ATXN1: variants seen among roughly 807,000 people sequenced by gnomAD.
ATXN1 encodes the protein ataxin-1.
In ATXN1, 8 loss-of-function variants were observed where a neutral mutation model predicts 56.4. The ratio of observed to expected loss-of-function variants is 0.14; its 90% confidence interval spans 0.08 to 0.26. The LOEUF (loss-of-function observed/expected upper bound fraction) is 0.26, where lower values mean the gene tolerates loss of function less well. ATXN1 is among the 10% of genes least tolerant of loss of function. ATXN1 has a pLI of 1.00. For missense variants in ATXN1, 987 were observed against 1,106.5 expected, an observed-to-expected ratio of 0.89 and a Z score of 1.53; for synonymous variants, 514 against 494.6, an observed-to-expected ratio of 1.04 and a Z score of -0.52.
chr6:16,742,568 T>G (rs1002764241), intron 2 of ATXN1, among the ~76,000 whole-genome samples: 1 of 152,140 alleles, frequency 6.6e-6, no homozygotes, highest in African/African-American at 2.4e-5. Context: ...TCAGAATCTC[T>G]TAACAGGTTC....
At chr6:16,619,595 C>T (rs1341382088) in intron 3 of ATXN1, among the ~76,000 whole-genome samples, 1 of 152,178 alleles carries the variant, frequency 6.6e-6, no homozygotes, top group Non-Finnish European at 1.5e-5. Flanking sequence ...ACTAGAGACA[C>T]TAAAAATGTT....
Position 16,306,312 on chromosome 6 carries a change from T to C in ATXN1, c.*17A>G, listed in dbSNP as rs1242013564. On this transcript the variant is annotated 3_prime_UTR_variant, in exon 8 of 8. Transcript: ENST00000436367. This position sits in a 1 kb window ranked among gnomAD's most constrained non-coding sequence, Gnocchi z 5.2. ...AATGATAAGGGAGAGCCACGTTTCC[T>C]TTCCCCCACGCTGCCTCTACTTGCC... The C allele has an allele frequency of 2.2e-5, 35 of 1,579,818 alleles. No individual in the cohort carries two copies. Among genetic ancestry groups the C allele is most frequent in the Non-Finnish European group, 2.9e-5 (34 of 1,165,648 alleles).
At chr6:16,713,553 C>G (rs897619106) in intron 2 of ATXN1, among the ~76,000 whole-genome samples, 1 of 152,170 alleles carries the variant, frequency 6.6e-6, no homozygotes, top group African/African-American at 2.4e-5. Flanking sequence ...GGGAAAGAAT[C>G]TGAGAAAACA....
chr6:16,346,946 G>GC (rs1761413043), intron 6 of ATXN1, among the ~76,000 whole-genome samples: 1 of 152,228 alleles, frequency 6.6e-6, no homozygotes, highest in Non-Finnish European at 1.5e-5. Flanking sequence ...GTTCCAGGTG[G>GC]CTGTGGGCTC....
intron 6 of ATXN1, among the ~76,000 whole-genome samples, chr6:16,358,964 G>A (rs768980482): frequency 2.6e-5 from 4 of 152,168 alleles, no homozygotes; most frequent in Non-Finnish European, 5.9e-5. Context: ...GGGAGCTCCC[G>A]GGTGCAGCTG....
intron 1 of ATXN1, chr6:16,754,542 C>T (rs564140518): frequency 9.2e-5 from 14 of 152,276 alleles, no homozygotes; most frequent in Admixed American, 5.9e-4. Flanking sequence ...CATACACACT[C>T]ACTATTTTTA....
chr6:16,484,253 T>C (rs1760495929), intron 6 of ATXN1, among the ~76,000 whole-genome samples: 1 of 151,938 alleles, frequency 6.6e-6, no homozygotes, highest in Non-Finnish European at 1.5e-5. Context: ...AGCAACATGG[T>C]GAAACTCTGT....
chr6:16,338,384 G>A (rs756325010), intron 6 of ATXN1, among the ~76,000 whole-genome samples: 1 of 152,064 alleles, frequency 6.6e-6, no homozygotes, highest in Non-Finnish European at 1.5e-5. Flanking sequence ...TCCCAGCTAC[G>A]AGGGAGGCTA....
At chr6:16,351,409 T>TG (rs1295128408) in intron 6 of ATXN1, among the ~76,000 whole-genome samples, 1 of 151,668 alleles carries the variant, frequency 6.6e-6, no homozygotes, top group Non-Finnish European at 1.5e-5. Context: ...TTCAGGGTTT[T>TG]TTTTTTTTTT....
intron 7 of ATXN1, among the ~76,000 whole-genome samples, chr6:16,321,333 G>A (rs1409989336): frequency 6.6e-6 from 1 of 152,204 alleles, no homozygotes; most frequent in East Asian, 1.9e-4. Flanking sequence ...GAGGCCCAAG[G>A]GAAGTGATTC....
intron 4 of ATXN1, among the ~76,000 whole-genome samples, chr6:16,567,873 C>T (rs1055313962): frequency 2.6e-5 from 4 of 152,146 alleles, no homozygotes; most frequent in Non-Finnish European, 5.9e-5. Context: ...AATATAAAAT[C>T]CATGAATTAT....
At chr6:16,351,040 G>C (rs9464880) in intron 6 of ATXN1, among the ~76,000 whole-genome samples, 9,541 of 152,186 alleles carry the variant, frequency 0.063, 999 homozygotes, top group African/African-American at 0.21. Flanking sequence ...ATTGAGCTGA[G>C]ATCGCGGCAC....
intron 6 of ATXN1, among the ~76,000 whole-genome samples, chr6:16,340,275 A>C (rs1346416874): frequency 6.6e-6 from 1 of 152,212 alleles, no homozygotes; most frequent in Non-Finnish European, 1.5e-5. Flanking sequence ...CTAATAATGA[A>C]AGATATTTGC....
At chr6:16,748,597 T>C (rs759237323) in intron 2 of ATXN1, among the ~76,000 whole-genome samples, 14 of 152,224 alleles carry the variant, frequency 9.2e-5, no homozygotes, top group Non-Finnish European at 1.6e-4. Flanking sequence ...TAAGTTAATA[T>C]GCAGAATAGT....
chr6:16,348,303 G>T (rs549894786), intron 6 of ATXN1, among the ~76,000 whole-genome samples: 1 of 152,040 alleles, frequency 6.6e-6, no homozygotes, highest in Non-Finnish European at 1.5e-5. Context: ...GGGCTTAAGC[G>T]ATCCTCCCAT....
intron 2 of ATXN1, among the ~76,000 whole-genome samples, chr6:16,740,771 G>A (rs1760313028): frequency 1.3e-5 from 2 of 152,050 alleles, no homozygotes; most frequent in Admixed American, 6.6e-5. Flanking sequence ...AGCCTCAGGC[G>A]ATCCCACCGC....
intron 2 of ATXN1, among the ~76,000 whole-genome samples, chr6:16,689,045 C>T (rs1758981373): frequency 1.4e-5 from 2 of 138,272 alleles, no homozygotes; most frequent in African/African-American, 6.2e-5. Flanking sequence ...TATATGTGTA[C>T]TCTGTGTGTG....
intron 6 of ATXN1, among the ~76,000 whole-genome samples, chr6:16,417,441 A>ATTTTTTTTT (rs1188606545): frequency 1.1e-4 from 15 of 136,484 alleles, no homozygotes; most frequent in South Asian, 8.0e-4. Flanking sequence ...CAAGTTTCTT[A>ATTTTTTTTT]TTTTTTTTTT....
chr6:16,657,417 C>A (rs764143385), intron 3 of ATXN1, among the ~76,000 whole-genome samples: 1 of 152,222 alleles, frequency 6.6e-6, no homozygotes, highest in Non-Finnish European at 1.5e-5. Flanking sequence ...TCTACTTCCT[C>A]TCGTGCGATT....
Sources: allele counts gnomAD v4.1 joint callset (sites outside exome capture counted in the v4.1 genomes callset), GRCh38; gene constraint gnomAD v4.1.1; non-coding constraint Gnocchi (gnomAD v3.1); transcripts MANE v1.5; gene names NCBI Gene and HGNC (gene_info 2026-07-23, HGNC 2026-07-21).